Variants in PDZD2 observed in about 807,000 individuals in gnomAD.
The protein encoded by PDZD2 is PDZ domain-containing protein 2.
Under a neutral mutation model 220.7 loss-of-function variants are expected in PDZD2, and 90 were observed. The ratio of observed to expected loss-of-function variants is 0.41; its 90% CI spans 0.34 to 0.49. The LOEUF is 0.49. PDZD2 is among the 20% of genes least tolerant of loss of function. PDZD2 has a pLI of 0.28. For synonymous variants in PDZD2, 1,375 were observed against 1,450.5 expected, an observed-to-expected ratio of 0.95 and a Z score of 1.18; for missense variants, 3,174 against 3,608.5, an observed-to-expected ratio of 0.88 and a Z score of 3.08.
chr5:31,685,146 G>A (rs558876244), intron 1 of PDZD2, among the ~76,000 whole-genome samples: 4 of 152,144 alleles, frequency 2.6e-5, no homozygotes, highest in Admixed American at 1.3e-4. Flanking sequence ...AAGAGCAGGC[G>A]TTCTCTGCCC....
chr5:31,866,608 A>G (rs1350994787), intron 2 of PDZD2, among the ~76,000 whole-genome samples: 1 of 152,166 alleles, frequency 6.6e-6, no homozygotes, highest in African/African-American at 2.4e-5. Context: ...AAGAAGAGAA[A>G]GGGAAGACAG....
chr5:31,984,689 C>T (rs1750573977), intron 3 of PDZD2, among the ~76,000 whole-genome samples: 1 of 152,074 alleles, frequency 6.6e-6, no homozygotes, highest in South Asian at 2.1e-4. Context: ...CATGGTGGAA[C>T]CCTGTCTCTA....
At chr5:32,101,034 C>T in intron 23 of PDZD2, 71 bp from the exon 24 acceptor site, 2 of 1,602,838 alleles carry the variant, frequency 1.2e-6, no homozygotes, top group South Asian at 1.1e-5. Flanking sequence ...GCGATGCATC[C>T]TGGGGGACTT....
At chr5:31,888,814 G>A (rs568446129) in intron 2 of PDZD2, among the ~76,000 whole-genome samples, 3 of 152,174 alleles carry the variant, frequency 2.0e-5, no homozygotes, top group African/African-American at 7.2e-5. Context: ...CTGAGGGATA[G>A]GAAGTCAGTC....
chr5:31,696,250 C>T (rs563875284), intron 1 of PDZD2, among the ~76,000 whole-genome samples: 17 of 152,240 alleles, frequency 1.1e-4, no homozygotes, highest in Admixed American at 8.5e-4. Flanking sequence ...AATGAAACAA[C>T]AAAGTCTGGG....
intron 2 of PDZD2, among the ~76,000 whole-genome samples, chr5:31,858,697 C>T (rs2018459264): frequency 1.3e-5 from 2 of 152,060 alleles, no homozygotes; most frequent in South Asian, 2.1e-4. Context: ...CTTTTCCTTC[C>T]TTCATCCCTC....
chr5:31,693,654 G>T (rs1026463698), intron 1 of PDZD2, among the ~76,000 whole-genome samples: 1 of 152,106 alleles, frequency 6.6e-6, no homozygotes, highest in African/African-American at 2.4e-5. Flanking sequence ...GTGTGCACTC[G>T]TGGCTTCCAG....
At chr5:31,969,929 G>A (rs545500183) in intron 2 of PDZD2, among the ~76,000 whole-genome samples, 15 of 151,900 alleles carry the variant, frequency 9.9e-5, no homozygotes, top group South Asian at 4.2e-4. Flanking sequence ...ACGGAGTTTC[G>A]CTCTTGTTGC....
At chr5:31,735,522 G>A (rs1214234682) in intron 1 of PDZD2, among the ~76,000 whole-genome samples, 3 of 152,162 alleles carry the variant, frequency 2.0e-5, no homozygotes, top group Non-Finnish European at 2.9e-5. Context: ...TTCCAGGCTG[G>A]GTGCAGTGGC....
chr5:31,988,203 C>T (rs890716085), intron 3 of PDZD2, among the ~76,000 whole-genome samples: 2 of 152,180 alleles, frequency 1.3e-5, no homozygotes. Flanking sequence ...GTAGCTGAAA[C>T]CCGTTTGGTG....
At chr5:31,861,196 G>C (rs1481067582) in intron 2 of PDZD2, among the ~76,000 whole-genome samples, 1 of 152,154 alleles carries the variant, frequency 6.6e-6, no homozygotes, top group Non-Finnish European at 1.5e-5. Flanking sequence ...GTGCAGGAGA[G>C]AGTAAGTAGC....
chr5:31,862,014 T>A (rs2150312834), intron 2 of PDZD2, among the ~76,000 whole-genome samples: 1 of 152,170 alleles, frequency 6.6e-6, no homozygotes, highest in African/African-American at 2.4e-5. Flanking sequence ...CTACACCATC[T>A]GTGATATACA....
intron 2 of PDZD2, among the ~76,000 whole-genome samples, chr5:31,877,426 C>G (rs2150331371): frequency 6.6e-6 from 1 of 152,138 alleles, no homozygotes; most frequent in South Asian, 2.1e-4. Flanking sequence ...GCTGCATTGC[C>G]CAGGCTGGAC....
intron 2 of PDZD2, among the ~76,000 whole-genome samples, chr5:31,813,604 A>G (rs1755261311): frequency 6.6e-6 from 1 of 152,206 alleles, no homozygotes; most frequent in Admixed American, 6.5e-5. Flanking sequence ...AGGGTTTTTA[A>G]AAACATAATT....
In PDZD2 at chr5:32,089,256, T is replaced by C; in HGVS notation, c.5808T>C (p.His1936=). The C allele has an allele frequency of 6.2e-7, 1 of 1,614,154 alleles. No homozygotes were observed. The highest frequency in any genetic ancestry group is 8.5e-7 in the Non-Finnish European group (1 of 1,180,038). ...CTAAGGCAGTGTCACAGCGGCTCCA[T>C]GTAGCCGACCACGAGGACCCTGACA... ...TLSKAVSQRL[H]VADHEDPDRN... Residue 1936 remains histidine (H), a synonymous_variant, in exon 20 of 25, where the codon CAT becomes CAC. Coordinates refer to ENST00000438447, the MANE Select transcript of PDZD2 (RefSeq NM_178140.4).
At chr5:31,930,257 G>T (rs1745154988) in intron 2 of PDZD2, among the ~76,000 whole-genome samples, 1 of 140,396 alleles carries the variant, frequency 7.1e-6, no homozygotes, top group Non-Finnish European at 1.5e-5. Flanking sequence ...CCAGGCTGGG[G>T]TGCAGTGGCA....
chr5:31,933,073 G>A (rs546430481), intron 2 of PDZD2, among the ~76,000 whole-genome samples: 1 of 152,116 alleles, frequency 6.6e-6, no homozygotes, highest in South Asian at 2.1e-4. Context: ...ACCACGCCTG[G>A]CCAATTTTTG....
At chr5:31,853,682 C>T (rs62360852) in intron 2 of PDZD2, among the ~76,000 whole-genome samples, 17 of 152,204 alleles carry the variant, frequency 1.1e-4, no homozygotes, top group Non-Finnish European at 2.2e-4. Context: ...TTAATTGCTT[C>T]GAATTCCACC....
intron 1 of PDZD2, among the ~76,000 whole-genome samples, chr5:31,726,468 G>A (rs1749146536): frequency 6.6e-6 from 1 of 152,208 alleles, no homozygotes; most frequent in Non-Finnish European, 1.5e-5. Flanking sequence ...GGTGGACGTT[G>A]CAGTAAGCCA....
Sources: allele counts gnomAD v4.1 joint callset (sites outside exome capture counted in the v4.1 genomes callset), GRCh38; gene constraint gnomAD v4.1.1; transcripts MANE v1.5; gene names NCBI Gene and HGNC (gene_info 2026-07-23, HGNC 2026-07-21).